The following CEP192 variants were observed in gnomAD, a reference collection of about 807,000 sequenced individuals.
The protein encoded by CEP192 is centrosomal protein 192, also known as centrosomal protein of 192 kDa.
CEP192 carries 151 observed loss-of-function variants against 271.8 expected under a neutral mutation model. That is an observed-to-expected ratio of 0.56 (90% CI 0.49 to 0.64). The LOEUF (loss-of-function observed/expected upper bound fraction) is 0.64, where lower values mean the gene tolerates loss of function less well. CEP192 is among the 30% of genes least tolerant of loss of function. The pLI, the probability that CEP192 is intolerant of heterozygous loss-of-function variation, is 0.00. For synonymous variants in CEP192, 995 were observed against 1,076.5 expected (o/e 0.92, Z 1.48); for missense variants, 2,910 against 3,020.5 (o/e 0.96, Z 0.86).
At chr18:13,005,722 A>G (rs926124213) in intron 3 of CEP192, among the ~76,000 whole-genome samples, 38 of 152,238 alleles carry the variant, frequency 2.5e-4, no homozygotes, top group African/African-American at 8.2e-4. Flanking sequence ...CTGGAGGGTC[A>G]GCAGCCTGGA....
intron 30 of CEP192, among the ~76,000 whole-genome samples, chr18:13,084,806 G>GTGGT (rs2038812747): frequency 6.6e-6 from 1 of 150,402 alleles, no homozygotes; most frequent in African/African-American, 2.4e-5. Flanking sequence ...GTATCTCATT[G>GTGGT]TGGTTTTGAT....
chr18:12,994,656 C>G (rs918109067), intron 1 of CEP192, among the ~76,000 whole-genome samples: 1 of 152,030 alleles, frequency 6.6e-6, no homozygotes, highest in Non-Finnish European at 1.5e-5. Context: ...ACATGTTTTG[C>G]CCTCAGGAAT....
At chr18:13,117,711 C>T (rs2040496748) in intron 44 of CEP192, 68 bp downstream of exon 44, 1 of 1,139,938 alleles carries the variant, frequency 8.8e-7, no homozygotes, top group Admixed American at 1.8e-5. Context: ...GGAGTTGGGG[C>T]TTGTGAGGTC....
chr18:13,072,308 A>G (rs2038054818), intron 28 of CEP192, among the ~76,000 whole-genome samples: 1 of 152,190 alleles, frequency 6.6e-6, no homozygotes, highest in South Asian at 2.1e-4. Flanking sequence ...AGTTAATTCA[A>G]TATACTGTGT....
At position 13,053,021 on chromosome 18, in the gene CEP192, G is replaced by C; in HGVS notation, c.3120G>C (p.Leu1040=). 1.2e-6 allele frequency: 2 copies of C among 1,613,976 alleles called. No individual in the cohort carries two copies. The highest frequency in any genetic ancestry group is 1.7e-6 in the Non-Finnish European group (2 of 1,179,906). ...LVCSPAGVSR[L]TYVSEPESSY... is the part of the protein sequence containing the mutation. ...GCTCGCCTGCTGGGGTGAGCAGGCT[G>C]ACGTATGTGTCTGAACCAGAGAGCT... Residue 1040 remains leucine, a synonymous_variant, in exon 18 of 45, where the codon CTG becomes CTC. Transcript: ENST00000506447.
intron 24 of CEP192, 45 bp downstream of exon 24, chr18:13,068,467 G>A: frequency 7.4e-7 from 1 of 1,358,714 alleles, no homozygotes. Context: ...TCTGTAGCTA[G>A]ATAAACTACA....
chr18:13,113,703 C>T lies in CEP192; in HGVS notation c.7165C>T (p.Gln2389Ter). The change falls in exon 41 of 45, where the codon CAA (glutamine) becomes TAA (stop). Residue 2389 changes from glutamine (Q) to a stop codon, truncating the protein, a stop_gained and splice_region_variant. Coordinates refer to ENST00000506447, the MANE Select transcript of CEP192 (RefSeq NM_032142.4). LOFTEE classifies it high-confidence loss of function. ...KHTLRFQLSGQSIEAENEPEN... is the reference protein window; with the variant it reads ...KHTLRFQLSG The stretch of plus-strand genomic sequence containing the variant: ...CACGTTGAGATTCCAACTCTCTGGA[C>T]AAGTGAGTAGTACACTGAATTTAAG... The T allele has an allele frequency of 6.2e-7, 1 of 1,608,808 alleles. No individual in the cohort carries two copies. The highest frequency in any genetic ancestry group is 8.5e-7 in the Non-Finnish European group (1 of 1,177,944).
rs759002640 is a variant in CEP192 at position 13,056,620 on chromosome 18, A to G, written c.4030A>G (p.Thr1344Ala). 20 of 1,614,184 alleles carry G rather than the reference A, an allele frequency of 1.2e-5. No homozygotes were observed. In the Middle Eastern group the frequency reaches 4.9e-4, roughly 40 times the overall value. ...CTTAAATCAGAACCTGCTAAGCACA[A>G]CAAAACCTTTTCCTGTGCCGTCTGT... is the stretch of plus-strand genomic sequence containing the variant. ...NTLNQNLLST[T>A]KPFPVPSVGT... is the part of the protein sequence containing the mutation. The change falls in exon 19 of 45, where the codon ACA becomes GCA. Residue 1344 changes from threonine (T) to alanine (A), a missense_variant. By Grantham distance (58) the Thr-to-Ala change is moderately conservative. Transcript: ENST00000506447.
At chr18:13,115,465 G>A (rs901568545) in intron 42 of CEP192, among the ~76,000 whole-genome samples, 2 of 152,182 alleles carry the variant, frequency 1.3e-5, no homozygotes, top group African/African-American at 4.8e-5. Flanking sequence ...GGGCCTAGGA[G>A]GTGTTTGCTT....
intron 30 of CEP192, among the ~76,000 whole-genome samples, chr18:13,082,921 C>A (rs757495582): frequency 2.0e-5 from 3 of 152,152 alleles, no homozygotes; most frequent in African/African-American, 7.2e-5. Context: ...GTTGAAAATT[C>A]TTTCCTTTAA....
At position 13,094,299 on chromosome 18, in the gene CEP192, CTGAATTATTTTCA is replaced by C. The variant is rs556619226; in HGVS notation, c.6255-1202_6255-1190del. On this transcript the variant is annotated intron_variant, in intron 34 of 44. Transcript: ENST00000506447. ...GTGAGCATCCATTGATGCTTGTTGC[CTGAATTATTTTCA>C]TCATGGTTACCAAAGGGTGATTTCT... is the stretch of plus-strand genomic sequence containing the variant. 5.9e-3 allele frequency among the ~76,000 whole-genome samples: 901 copies of C among 152,288 alleles called. 8 individuals are homozygous for C. The highest frequency in any genetic ancestry group is 0.021 in the African/African-American group (866 of 41,564).
At chr18:13,072,706 G>A (rs2144471169) in intron 28 of CEP192, 49 bp from the exon 29 acceptor site, 1 of 1,228,126 alleles carries the variant, frequency 8.1e-7, no homozygotes, top group Non-Finnish European at 1.2e-6. Flanking sequence ...TATAATGGTA[G>A]CAATATCCAT....
intron 11 of CEP192, among the ~76,000 whole-genome samples, chr18:13,033,139 A>G (rs1020336052): frequency 6.6e-6 from 1 of 152,156 alleles, no homozygotes; most frequent in African/African-American, 2.4e-5. Context: ...TCACCTCTCT[A>G]TCGTAAAAAG....
chr18:13,109,213 C>G (rs2040094487), intron 40 of CEP192, among the ~76,000 whole-genome samples: 1 of 152,180 alleles, frequency 6.6e-6, no homozygotes, highest in African/African-American at 2.4e-5. Flanking sequence ...GAATACTGTG[C>G]AGCCGTAGAA....
intron 11 of CEP192, among the ~76,000 whole-genome samples, chr18:13,035,801 A>G (rs916368279): frequency 6.6e-6 from 1 of 152,176 alleles, no homozygotes; most frequent in African/African-American, 2.4e-5. Flanking sequence ...TGAGGGCTTC[A>G]TGGTTCTCCT....
At chr18:13,066,303 G>A (rs1164146394) in intron 21 of CEP192, among the ~76,000 whole-genome samples, 6 of 151,834 alleles carry the variant, frequency 4.0e-5, no homozygotes, top group East Asian at 3.9e-4. Flanking sequence ...CCTTTGTTAC[G>A]GACTCTGTTA....
chr18:13,036,839 C>T (rs768972970), intron 11 of CEP192, among the ~76,000 whole-genome samples: 1 of 152,208 alleles, frequency 6.6e-6, no homozygotes, highest in Non-Finnish European at 1.5e-5. Flanking sequence ...TCCTGGGGCA[C>T]GCTTGTAGCC....
chr18:13,063,443 T>A (rs1387640799), intron 21 of CEP192, among the ~76,000 whole-genome samples: 1 of 152,256 alleles, frequency 6.6e-6, no homozygotes, highest in East Asian at 1.9e-4. Context: ...ATTGTAGTTT[T>A]GATTTGCATT....
intron 33 of CEP192, among the ~76,000 whole-genome samples, chr18:13,090,906 C>T (rs1436399078): frequency 6.6e-6 from 1 of 152,148 alleles, no homozygotes; most frequent in African/African-American, 2.4e-5. Flanking sequence ...CAGAAGCTGG[C>T]ATTGCCCCAC....
Sources: gnomAD v4.1 joint callset for allele counts (sites outside exome capture counted in the v4.1 genomes callset) on GRCh38, gnomAD v4.1.1 for gene constraint, MANE v1.5 for transcripts, NCBI Gene and HGNC (gene_info 2026-07-23, HGNC 2026-07-21) for gene names.